ENOX1: variants seen among roughly 807,000 people sequenced by gnomAD.
The protein encoded by ENOX1 is candidate growth-related and time keeping constitutive hydroquinone (NADH) oxidase.
ENOX1 carries 42 observed loss-of-function variants against 82.5 expected under a neutral mutation model. The ratio of observed to expected loss-of-function variants is 0.51; its 90% CI spans 0.40 to 0.66. The LOEUF (loss-of-function observed/expected upper bound fraction) is 0.66, where lower values mean the gene tolerates loss of function less well. Ranked by LOEUF, ENOX1 falls within the 30% of genes least tolerant of loss-of-function variation. The pLI, the probability that ENOX1 is intolerant of heterozygous loss-of-function variation, is 0.00. For missense variants in ENOX1, 608 were observed against 811.6 expected (o/e 0.75, Z 3.05); for synonymous variants, 271 against 282.2 (o/e 0.96, Z 0.40).
intron 12 of ENOX1, among the ~76,000 whole-genome samples, chr13:43,284,109 G>A (rs1419885634): frequency 6.6e-6 from 1 of 152,088 alleles, no homozygotes; most frequent in East Asian, 1.9e-4. Context: ...AATGTTCCCA[G>A]TATATTTGAA....
intron 11 of ENOX1, among the ~76,000 whole-genome samples, chr13:43,316,471 G>T (rs17632230): frequency 2.0e-5 from 3 of 152,018 alleles, no homozygotes; most frequent in Non-Finnish European, 4.4e-5. Context: ...ATTATAAAGG[G>T]GCTAAGCTTA....
rs534779918 is a variant in ENOX1 at position 43,680,251 on chromosome 13, A to G, written c.-284-12707T>C. 2.0e-4 allele frequency among the ~76,000 whole-genome samples: 30 copies of G among 152,342 alleles called. No homozygotes were observed. The South Asian group carries it at 5.8e-3, about 29-fold the overall frequency. On this transcript the variant is annotated intron_variant, in intron 1 of 16. Coordinates refer to ENST00000690772, the MANE Select transcript of ENOX1 (RefSeq NM_001347969.2). ...AAACTTCTAAATTAAAAGAAGTTTCATAAGTGTACACAGAAAAGAAGTAGA... is the reference window on the plus strand; with the variant it reads ...AAACTTCTAAATTAAAAGAAGTTTCGTAAGTGTACACAGAAAAGAAGTAGA...
chr13:43,250,484 G>T (rs1291968235), intron 14 of ENOX1, among the ~76,000 whole-genome samples: 1 of 152,190 alleles, frequency 6.6e-6, no homozygotes, highest in African/African-American at 2.4e-5. Flanking sequence ...GGCTAGTTAT[G>T]GGTCCACTGA....
At chr13:43,293,069 C>G (rs59570528) in intron 12 of ENOX1, among the ~76,000 whole-genome samples, 3,754 of 151,924 alleles carry the variant, frequency 0.025, 159 homozygotes, top group African/African-American at 0.086. Context: ...AACACAACCA[C>G]AGCCACCATC....
intron 1 of ENOX1, among the ~76,000 whole-genome samples, chr13:43,754,898 A>AT (rs1426654676): frequency 6.6e-6 from 1 of 152,144 alleles, no homozygotes; most frequent in African/African-American, 2.4e-5. Context: ...AAATCTGCAT[A>AT]TTAATGTATG....
At chr13:43,436,915 T>C (rs182668162) in intron 3 of ENOX1, among the ~76,000 whole-genome samples, 5 of 152,320 alleles carry the variant, frequency 3.3e-5, no homozygotes, top group Admixed American at 3.3e-4. Flanking sequence ...GAAATCACTA[T>C]GGCTTACAAT....
At chr13:43,531,029 A>G (rs1477054075) in intron 2 of ENOX1, among the ~76,000 whole-genome samples, 1 of 152,006 alleles carries the variant, frequency 6.6e-6, no homozygotes. Context: ...CCTACTCTAT[A>G]AAAGACATTA....
chr13:43,370,834 C>A (rs9567166), intron 5 of ENOX1, among the ~76,000 whole-genome samples: 2,211 of 151,900 alleles, frequency 0.015, 59 homozygotes, highest in African/African-American at 0.049. Context: ...GGTCCTCATT[C>A]GCTCTCATCT....
At chr13:43,391,017 C>T (rs978059554) in intron 5 of ENOX1, among the ~76,000 whole-genome samples, 3 of 152,158 alleles carry the variant, frequency 2.0e-5, no homozygotes, top group Admixed American at 6.5e-5. Context: ...CCATCTCACC[C>T]GTTTCTTATG....
At chr13:43,453,826 G>A (rs1365292465) in intron 3 of ENOX1, among the ~76,000 whole-genome samples, 1 of 152,154 alleles carries the variant, frequency 6.6e-6, no homozygotes, top group Admixed American at 6.5e-5. Flanking sequence ...TACAAGCAAA[G>A]GAACAGATAA....
intron 2 of ENOX1, among the ~76,000 whole-genome samples, chr13:43,644,602 A>G (rs1025681746): frequency 1.3e-5 from 2 of 152,260 alleles, no homozygotes; most frequent in Non-Finnish European, 2.9e-5. Context: ...ACTGACTTCA[A>G]TATTCTCTTT....
intron 2 of ENOX1, among the ~76,000 whole-genome samples, chr13:43,493,130 T>TTCTCTC (rs147517109): frequency 6.7e-6 from 1 of 149,532 alleles, no homozygotes. Flanking sequence ...TATCTTAAGA[T>TTCTCTC]TCTCTCTCTC....
At chr13:43,493,084 C>T (rs1252178578) in intron 2 of ENOX1, among the ~76,000 whole-genome samples, 1 of 152,034 alleles carries the variant, frequency 6.6e-6, no homozygotes, top group Non-Finnish European at 1.5e-5. Context: ...TTTAGACTTG[C>T]CAGTGTCTAT....
chr13:43,774,622 A>G (rs1222283396), intron 1 of ENOX1, among the ~76,000 whole-genome samples: 1 of 152,208 alleles, frequency 6.6e-6, no homozygotes, highest in East Asian at 1.9e-4. Context: ...ACTCAGAGCC[A>G]CCTAATCCAC....
At chr13:43,325,923 T>C (rs1593947444) in intron 10 of ENOX1, among the ~76,000 whole-genome samples, 3 of 152,148 alleles carry the variant, frequency 2.0e-5, no homozygotes, top group Admixed American at 1.3e-4. Flanking sequence ...AGATATTCAC[T>C]CCCCTTACAA....
chr13:43,425,123 A>G (rs762169670), intron 3 of ENOX1, among the ~76,000 whole-genome samples: 2 of 152,190 alleles, frequency 1.3e-5, no homozygotes, highest in South Asian at 2.1e-4. Flanking sequence ...AGGAACATAC[A>G]TGATTCAGAA....
chr13:43,276,217 G>A (rs149066510), intron 12 of ENOX1, among the ~76,000 whole-genome samples: 2,155 of 152,244 alleles, frequency 0.014, 23 homozygotes, highest in Non-Finnish European at 0.021. Context: ...CACCAAAGGC[G>A]ATGGTGGGTG....
At chr13:43,319,998 G>GGCC (rs2047714592) in intron 11 of ENOX1, among the ~76,000 whole-genome samples, 1 of 152,204 alleles carries the variant, frequency 6.6e-6, no homozygotes, top group South Asian at 2.1e-4. Flanking sequence ...CTCGGGCTAT[G>GGCC]GCCTCCATCC....
chr13:43,486,675 TG>T (rs1184305984), intron 2 of ENOX1, among the ~76,000 whole-genome samples: 1 of 152,162 alleles, frequency 6.6e-6, no homozygotes, highest in Non-Finnish European at 1.5e-5. Flanking sequence ...TTTGTAATAA[TG>T]GGGTCTGAAA....
Sources: allele counts gnomAD v4.1 joint callset (sites outside exome capture counted in the v4.1 genomes callset), GRCh38; gene constraint gnomAD v4.1.1; transcripts MANE v1.5; gene names NCBI Gene and HGNC (gene_info 2026-07-23, HGNC 2026-07-21).